Variants in PLAA observed in about 807,000 individuals in gnomAD.
PLAA encodes the protein phospholipase A-2-activating protein.
A neutral mutation model predicts 84.1 loss-of-function variants in PLAA; 48 were observed. The observed-to-expected ratio is 0.57, with a 90% CI of 0.45 to 0.73. The LOEUF (loss-of-function observed/expected upper bound fraction) is 0.73. Ranked by LOEUF, PLAA falls within the 30% of genes least tolerant of loss-of-function variation. The pLI, the probability that PLAA is intolerant of heterozygous loss-of-function variation, is 0.00. For missense variants in PLAA, 903 were observed against 954.7 expected (o/e 0.95, Z 0.71); for synonymous variants, 392 against 336.6 (o/e 1.16, Z -1.80).
chr9:26,918,110 T>A lies in PLAA; in HGVS notation c.1418-945A>T, dbSNP rs188511165. 4.4e-3 allele frequency among the ~76,000 whole-genome samples: 665 copies of A among 151,926 alleles called. 2 individuals carry two copies. The highest frequency in any genetic ancestry group is 0.015 in the African/African-American group (602 of 41,272). ...AGTAAGTTACTTTGATAATTTTTTT[T>A]AAAATTTTTTGATTTTTTTCAGACG... On this transcript the variant is annotated intron_variant, in intron 9 of 13. Transcript: ENST00000397292.
At chr9:26,923,380 A>G (rs1824836981) in intron 6 of PLAA, 33 bp from the exon 7 acceptor site, 1 of 1,459,008 alleles carries the variant, frequency 6.9e-7, no homozygotes, top group Admixed American at 1.8e-5. Context: ...TTTAGAAGTC[A>G]TTGCCATAAT....
chr9:26,913,268 C>T (rs1207942482), intron 11 of PLAA, among the ~76,000 whole-genome samples: 2 of 152,282 alleles, frequency 1.3e-5, no homozygotes, highest in South Asian at 2.1e-4. Context: ...GTTTTACTGG[C>T]AGCCAATACA....
rs1044419357 is a variant in PLAA, at chr9:26,903,971, T to G, written c.*1540A>C. 1 of 153,748 alleles carries G rather than the reference T, an allele frequency of 6.5e-6. No homozygotes were observed. The highest frequency in any genetic ancestry group is 1.9e-4 in the East Asian group (1 of 5,204). 9.5% of individuals were successfully genotyped at this position (153,748 alleles called of 1,614,324 possible). On this transcript the variant is annotated 3_prime_UTR_variant, in exon 14 of 14. Coordinates refer to ENST00000397292, the MANE Select transcript of PLAA (RefSeq NM_001031689.3). ...ACCAGCCAGACCTGGGTTAAATTCC[T>G]AATTTTGCCATTTAACTTTGACATA...
At chr9:26,945,796 A>G (rs1048022653) in intron 1 of PLAA, among the ~76,000 whole-genome samples, 13 of 152,134 alleles carry the variant, frequency 8.5e-5, no homozygotes, top group East Asian at 1.9e-4. Flanking sequence ...TTCCAATTCA[A>G]TCCTCCCTAT....
At chr9:26,943,718 A>T (rs1304401078) in intron 1 of PLAA, among the ~76,000 whole-genome samples, 1 of 152,142 alleles carries the variant, frequency 6.6e-6, no homozygotes, top group East Asian at 1.9e-4. Flanking sequence ...AGGCTGAGGC[A>T]GGAGGATTGC....
chr9:26,937,232 A>G (rs534140438), intron 1 of PLAA, among the ~76,000 whole-genome samples: 1 of 152,316 alleles, frequency 6.6e-6, no homozygotes, highest in Non-Finnish European at 1.5e-5. Flanking sequence ...AAGATATTCA[A>G]AAGGAACTAC....
intron 9 of PLAA, 26 bp from the exon 10 acceptor site, chr9:26,917,191 C>CACCAAATAA: frequency 6.3e-7 from 1 of 1,598,030 alleles, no homozygotes; most frequent in South Asian, 1.1e-5. Context: ...AAAGAAAAGG[C>CACCAAATAA]AGAAGTGCAC....
intron 1 of PLAA, among the ~76,000 whole-genome samples, chr9:26,945,951 T>C (rs1825686247): frequency 6.6e-6 from 1 of 152,242 alleles, no homozygotes; most frequent in Non-Finnish European, 1.5e-5. Flanking sequence ...AATTATTTAT[T>C]GGCTTGTTTT....
At position 26,915,552 on chromosome 9, in the gene PLAA, C is replaced by T. The variant is rs112490282; in HGVS notation, c.1486+1545G>A. The T allele has an allele frequency of 4.2e-4, 142 of 335,532 alleles. 2 individuals carry two copies. Among genetic ancestry groups the T allele is most frequent in the African/African-American group, 2.9e-3 (131 of 44,868 alleles). 20.8% of individuals were successfully genotyped at this position (335,532 alleles called of 1,614,324 possible). On this transcript the variant is annotated intron_variant, in intron 10 of 13. Coordinates refer to ENST00000397292, the MANE Select transcript of PLAA (RefSeq NM_001031689.3). Reference sequence around the variant, plus strand: ...ATCATCAACAACAACTAATACATACCGTGGCTTAAATATACTCCAGGCATT... The same window carrying T: ...ATCATCAACAACAACTAATACATACTGTGGCTTAAATATACTCCAGGCATT...
intron 1 of PLAA, 103 bp downstream of exon 1, chr9:26,946,794 G>A (rs111897570): frequency 4.6e-6 from 6 of 1,292,660 alleles, no homozygotes; most frequent in East Asian, 2.6e-5. Flanking sequence ...AGGGAAGGCT[G>A]GGGGGAGAGA....
intron 13 of PLAA, 66 bp downstream of exon 13, chr9:26,907,768 A>C (rs774301397): frequency 2.2e-4 from 290 of 1,322,058 alleles, no homozygotes; most frequent in Non-Finnish European, 2.9e-4. Flanking sequence ...AATACCAGTA[A>C]TATTGATAGA....
chr9:26,921,546 C>T (rs1041224068), intron 7 of PLAA, among the ~76,000 whole-genome samples: 33 of 152,190 alleles, frequency 2.2e-4, no homozygotes, highest in Non-Finnish European at 4.3e-4. Context: ...GCCTAACACA[C>T]GTAGGTAGTT....
At chr9:26,935,242 T>C (rs1433475978) in intron 1 of PLAA, 36 bp from the exon 2 acceptor site, 2 of 1,368,058 alleles carry the variant, frequency 1.5e-6, no homozygotes, top group African/African-American at 1.5e-5. Flanking sequence ...TACATATTCG[T>C]ACCCTGACTT....
chr9:26,905,508 C>G lies in PLAA; in HGVS notation c.*3G>C, dbSNP rs1824199811. The G allele has an allele frequency of 3.1e-6, 5 of 1,597,608 alleles. No individual in the cohort carries two copies. Among genetic ancestry groups the G allele is most frequent in the Non-Finnish European group, 4.3e-6 (5 of 1,170,758 alleles). On this transcript the variant is annotated 3_prime_UTR_variant, in exon 14 of 14. Transcript: ENST00000397292. ...TAAAAATATCCGTCCCTCTTCCCCACTGCTACAGCAAATTTAGGATAAATC... is the reference window on the plus strand; with the variant it reads ...TAAAAATATCCGTCCCTCTTCCCCAGTGCTACAGCAAATTTAGGATAAATC...
At chr9:26,910,781 C>T (rs1297198129) in intron 11 of PLAA, among the ~76,000 whole-genome samples, 5 of 151,910 alleles carry the variant, frequency 3.3e-5, no homozygotes, top group African/African-American at 9.7e-5. Flanking sequence ...CCTCAGCCTC[C>T]GAAAGTGCTG....
intron 6 of PLAA, among the ~76,000 whole-genome samples, chr9:26,925,076 T>C (rs926227330): frequency 6.6e-6 from 1 of 152,232 alleles, no homozygotes; most frequent in African/African-American, 2.4e-5. Flanking sequence ...CTTTTTCTGA[T>C]TGTTTTCCTT....
intron 6 of PLAA, among the ~76,000 whole-genome samples, chr9:26,924,015 T>C (rs1017654787): frequency 6.6e-6 from 1 of 152,224 alleles, no homozygotes; most frequent in African/African-American, 2.4e-5. Context: ...TATTGGTTTT[T>C]CTTCATATGC....
At chr9:26,921,470 T>TC (rs1824757285) in intron 7 of PLAA, among the ~76,000 whole-genome samples, 1 of 152,188 alleles carries the variant, frequency 6.6e-6, no homozygotes, top group African/African-American at 2.4e-5. Flanking sequence ...TACTTTAATC[T>TC]CCCCTCTTAC....
At chr9:26,906,485 T>C (rs778361527) in intron 13 of PLAA, among the ~76,000 whole-genome samples, 18 of 143,870 alleles carry the variant, frequency 1.3e-4, no homozygotes, top group South Asian at 4.5e-4. Context: ...TGGATTGCAA[T>C]GGCATGATCT....
Sources: gnomAD v4.1 joint callset for allele counts (sites outside exome capture counted in the v4.1 genomes callset) on GRCh38, gnomAD v4.1.1 for gene constraint, MANE v1.5 for transcripts, NCBI Gene and HGNC (gene_info 2026-07-23, HGNC 2026-07-21) for gene names.